Variants in VPS13D observed in about 807,000 individuals in gnomAD.
VPS13D encodes the protein vacuolar protein sorting 13 homolog D.
Under a neutral mutation model 461.9 loss-of-function variants are expected in VPS13D, and 187 were observed. The observed-to-expected ratio is 0.40, with a 90% CI of 0.36 to 0.46. The LOEUF is 0.46. Ranked by LOEUF, VPS13D falls within the 20% of genes least tolerant of loss-of-function variation. The pLI is 0.60. For synonymous variants in VPS13D, 1,951 were observed against 1,986.3 expected, an observed-to-expected ratio of 0.98 and a Z score of 0.47; for missense variants, 4,711 against 5,364.9, an observed-to-expected ratio of 0.88 and a Z score of 3.81.
intron 34 of VPS13D, among the ~76,000 whole-genome samples, chr1:12,323,141 C>CT (rs1382530147): frequency 6.6e-6 from 1 of 152,254 alleles, no homozygotes; most frequent in African/African-American, 2.4e-5. Flanking sequence ...GTGATCATAG[C>CT]TTATTGCAGC....
intron 66 of VPS13D, among the ~76,000 whole-genome samples, chr1:12,456,846 G>A (rs1334610032): frequency 6.6e-6 from 1 of 152,162 alleles, no homozygotes; most frequent in African/African-American, 2.4e-5. Context: ...ATCATAAGGT[G>A]TAATCAACCA....
At chr1:12,284,241 A>G (rs1027130705) in intron 21 of VPS13D, among the ~76,000 whole-genome samples, 4 of 152,174 alleles carry the variant, frequency 2.6e-5, no homozygotes, top group African/African-American at 7.2e-5. Context: ...CACTGTACCC[A>G]TATAGCTATG....
At chr1:12,416,486 A>G (rs1644795753) in intron 64 of VPS13D, among the ~76,000 whole-genome samples, 174 bp from the exon 65 acceptor site, 1 of 152,198 alleles carries the variant, frequency 6.6e-6, no homozygotes, top group African/African-American at 2.4e-5. Context: ...GGTGCTCCTG[A>G]AAGGACAGGA....
At position 12,270,328 on chromosome 1, in the gene VPS13D, GCACCTGTAATCC is replaced by G. The variant is rs1641400515; in HGVS notation, c.1973-663_1973-652del. Among the ~76,000 whole-genome samples the G allele has an allele frequency of 6.6e-5, 10 of 151,996 alleles. No individual in the cohort carries two copies. In the South Asian group the frequency reaches 2.1e-3, roughly 32 times the overall value. ...AAAAATTAGCTGGGTGTGGTGGTGTGCACCTGTAATCCCAGCTACTCGGGAGGCAGGAGACTC... is the reference window on the plus strand; with the variant it reads ...AAAAATTAGCTGGGTGTGGTGGTGTGCAGCTACTCGGGAGGCAGGAGACTC... On this transcript the variant is annotated intron_variant, in intron 16 of 69. Transcript: ENST00000620676.
chr1:12,379,512 G>T lies in VPS13D; in HGVS notation c.11106G>T (p.Lys3702Asn). The T allele has an allele frequency of 6.2e-7, 1 of 1,613,192 alleles. No individual in the cohort carries two copies. The highest frequency in any genetic ancestry group is 1.7e-4 in the Middle Eastern group (1 of 6,060). The change falls in exon 57 of 70, where the codon AAG becomes AAT. Residue 3702 changes from lysine (K) to asparagine (N), a missense_variant. Physicochemically the swap from Lys to Asn is moderately conservative, Grantham distance 94 (BLOSUM62 0). Coordinates refer to ENST00000620676, the MANE Select transcript of VPS13D (RefSeq NM_015378.4). ...GATACGAGCCACTGATGCTGAGAAA[G>T]CCTGACCGCAGGCGAAGCACAACTC... ...DNRYEPLMLR[K>N]PDRRRSTTQT...
intron 67 of VPS13D, among the ~76,000 whole-genome samples, chr1:12,468,072 A>G (rs1645513499): frequency 6.6e-6 from 1 of 152,216 alleles, no homozygotes; most frequent in South Asian, 2.1e-4. Flanking sequence ...TATTCCATTT[A>G]AAAATGAAAT....
intron 68 of VPS13D, among the ~76,000 whole-genome samples, chr1:12,501,938 G>A (rs1455865188): frequency 6.6e-6 from 1 of 152,174 alleles, no homozygotes; most frequent in Non-Finnish European, 1.5e-5. Flanking sequence ...GCAGATACAC[G>A]GGACAGAAGA....
In VPS13D at chr1:12,342,748, A is replaced by C. The variant is rs531145020; in HGVS notation, c.8733-151A>C. ...AGCACGAAGATAGCTATAGTTAGCG[A>C]CCCTCAAGGTCATTCTTTGTAGCTA... On this transcript the variant is annotated intron_variant, in intron 41 of 69. Transcript: ENST00000620676. 17 of 804,516 alleles carry C rather than the reference A, an allele frequency of 2.1e-5. No homozygotes were observed. In the African/African-American group the frequency reaches 2.7e-4, roughly 13 times the overall value. 49.8% of individuals were successfully genotyped at this position (804,516 alleles called of 1,614,324 possible).
At chr1:12,252,428 A>G (rs77792821) in intron 6 of VPS13D, among the ~76,000 whole-genome samples, 4,634 of 152,232 alleles carry the variant, frequency 0.03, 180 homozygotes, top group Admixed American at 0.12. Flanking sequence ...TCACCCTTCC[A>G]TATCCTCAGG....
chr1:12,247,973 C>T (rs571863447), intron 5 of VPS13D, among the ~76,000 whole-genome samples: 18 of 151,846 alleles, frequency 1.2e-4, no homozygotes, highest in East Asian at 3.9e-4. Context: ...CTGCAAACTC[C>T]GCCTCCCGGG....
chr1:12,487,608 C>G (rs1645814854), intron 67 of VPS13D, among the ~76,000 whole-genome samples: 1 of 142,862 alleles, frequency 7.0e-6, no homozygotes, highest in South Asian at 2.2e-4. Context: ...GAGATTCCAT[C>G]TCAAAAAAAA....
At chr1:12,370,273 A>G (rs1375922885) in intron 54 of VPS13D, among the ~76,000 whole-genome samples, 2 of 152,230 alleles carry the variant, frequency 1.3e-5, no homozygotes, top group Admixed American at 6.5e-5. Flanking sequence ...GAGATTCAAA[A>G]CACTGGGCTT....
chr1:12,475,411 C>G (rs1235906756), intron 67 of VPS13D, among the ~76,000 whole-genome samples: 1 of 152,212 alleles, frequency 6.6e-6, no homozygotes, highest in Non-Finnish European at 1.5e-5. Context: ...AAGCTCCCTT[C>G]CTAGGGCTGG....
intron 67 of VPS13D, among the ~76,000 whole-genome samples, chr1:12,467,386 G>A (rs552050767): frequency 3.7e-4 from 57 of 152,104 alleles, no homozygotes; most frequent in Non-Finnish European, 6.9e-4. Context: ...TGGCCAGGCC[G>A]GTCTCGAACT....
intron 14 of VPS13D, 31 bp from the exon 15 acceptor site, chr1:12,267,814 G>A (rs764776387): frequency 1.9e-6 from 3 of 1,608,312 alleles, no homozygotes; most frequent in Non-Finnish European, 1.7e-6. Flanking sequence ...TCACGCTGAC[G>A]TTTACGCATT....
Position 12,502,276 on chromosome 1 carries a change from A to G in VPS13D, c.12795-4577A>G, listed in dbSNP as rs919367342. Among the ~76,000 whole-genome samples the G allele has an allele frequency of 6.6e-6, 1 of 152,172 alleles. No individual in the cohort carries two copies. The highest frequency in any genetic ancestry group is 2.4e-5 in the African/African-American group (1 of 41,446). On this transcript the variant is annotated intron_variant, in intron 68 of 69. Transcript: ENST00000620676. The surrounding 1 kb of genome is among the most constrained non-coding windows in gnomAD (Gnocchi z 4.3). ...TGGCCGTAACGATGACTAGAAGAGG[A>G]CAGATTGGAGAGGCATTTAGGAGGC...
chr1:12,383,091 T>C lies in VPS13D; in HGVS notation c.11306T>C (p.Met3769Thr). 1 of 1,614,110 alleles carries C rather than the reference T, an allele frequency of 6.2e-7. No individual in the cohort carries two copies. The highest frequency in any genetic ancestry group is 8.5e-7 in the Non-Finnish European group (1 of 1,179,988). Reference protein sequence around the residue: ...PPEQQFINQKMRPGSGMLSIR... With the variant: ...PPEQQFINQKTRPGSGMLSIR... ...GAACAACAATTTATTAATCAAAAAATGAGACCTGGTTCTGGAATGTTATCC... is the reference window on the plus strand; with the variant it reads ...GAACAACAATTTATTAATCAAAAAACGAGACCTGGTTCTGGAATGTTATCC... The change falls in exon 58 of 70, where the codon ATG (methionine) becomes ACG (threonine). Residue 3769 changes from methionine (M) to threonine (T), a missense_variant. Physicochemically the swap from Met to Thr is moderately conservative, Grantham distance 81. Coordinates refer to ENST00000620676, the MANE Select transcript of VPS13D (RefSeq NM_015378.4).
Position 12,277,549 on chromosome 1 carries a change from G to T in VPS13D, c.3961G>T (p.Ala1321Ser). The T allele has an allele frequency of 1.2e-6, 2 of 1,613,936 alleles. No individual in the cohort carries two copies. The highest frequency in any genetic ancestry group is 1.7e-6 in the Non-Finnish European group (2 of 1,180,022). ...EENFRGMLKS[A>S]ATKVTTVLAT... ...AAATTTTCGAGGTATGCTGAAAAGCGCAGCCACCAAAGTCACCACAGTACT... is the reference window on the plus strand; with the variant it reads ...AAATTTTCGAGGTATGCTGAAAAGCTCAGCCACCAAAGTCACCACAGTACT... Residue 1321 changes from alanine to serine, a missense_variant, in exon 19 of 70, where the codon GCA becomes TCA. Physicochemically the swap from Ala to Ser is moderately conservative, Grantham distance 99 (BLOSUM62 1). Coordinates refer to ENST00000620676, the MANE Select transcript of VPS13D (RefSeq NM_015378.4).
intron 67 of VPS13D, among the ~76,000 whole-genome samples, chr1:12,490,725 C>T (rs901789469): frequency 6.6e-6 from 1 of 151,158 alleles, no homozygotes; most frequent in Non-Finnish European, 1.5e-5. Context: ...GTGGGAGCTA[C>T]AGGTCCAAGA....
Sources: gnomAD v4.1 joint callset for allele counts (sites outside exome capture counted in the v4.1 genomes callset) on GRCh38, gnomAD v4.1.1 for gene constraint, Gnocchi (gnomAD v3.1) non-coding constraint, MANE v1.5 for transcripts, NCBI Gene and HGNC (gene_info 2026-07-23, HGNC 2026-07-21) for gene names.